ANKRD45: variants seen among roughly 807,000 people sequenced by gnomAD.
The protein encoded by ANKRD45 is ankyrin repeat domain-containing protein 45.
A neutral mutation model predicts 28.1 loss-of-function variants in ANKRD45; 21 were observed. The ratio of observed to expected loss-of-function variants is 0.75; its 90% confidence interval spans 0.53 to 1.08. The LOEUF (loss-of-function observed/expected upper bound fraction) is 1.08. Among genes scored for constraint, ANKRD45 ranks in the 50% least tolerant of loss-of-function variants. The pLI, the probability that ANKRD45 is intolerant of heterozygous loss-of-function variation, is 0.00. For missense variants in ANKRD45, 261 were observed against 308.7 expected (o/e 0.85, Z 1.16); for synonymous variants, 86 against 103.9 (o/e 0.83, Z 1.05).
At chr1:173,641,334 T>C (rs1668690857) in intron 3 of ANKRD45, among the ~76,000 whole-genome samples, 1 of 152,196 alleles carries the variant, frequency 6.6e-6, no homozygotes, top group African/African-American at 2.4e-5. Context: ...ATGGACTGTA[T>C]GGTGGCTCTC....
chr1:173,625,289 T>G (rs915319557), intron 4 of ANKRD45, among the ~76,000 whole-genome samples: 2 of 152,088 alleles, frequency 1.3e-5, no homozygotes, highest in African/African-American at 4.8e-5. Flanking sequence ...TTCTCCCTAA[T>G]TCTTTATTTT....
intron 3 of ANKRD45, among the ~76,000 whole-genome samples, chr1:173,632,154 G>A (rs1210857435): frequency 2.0e-5 from 3 of 151,768 alleles, no homozygotes; most frequent in Non-Finnish European, 4.4e-5. Flanking sequence ...TGAAAAAGAA[G>A]ACATTACAAC....
intron 5 of ANKRD45, among the ~76,000 whole-genome samples, chr1:173,615,122 ATGT>A (rs1218139813): frequency 2.6e-4 from 39 of 152,176 alleles, no homozygotes; most frequent in African/African-American, 6.3e-4. Flanking sequence ...CCCGGCCTAG[ATGT>A]TGTTGTTTAA....
the ANKRD45 span, among the ~76,000 whole-genome samples, chr1:173,697,746 C>T: frequency 6.6e-6 from 1 of 152,130 alleles, no homozygotes; most frequent in Non-Finnish European, 1.5e-5. Flanking sequence ...GCTAGGAAGA[C>T]ACTGCATCAA....
At chr1:173,673,111 CT>C (rs201967833), upstream of ANKRD45, among the ~76,000 whole-genome samples, 13,495 of 138,518 alleles carry the variant, frequency 0.097, 679 homozygotes, top group East Asian at 0.36. Context: ...CATTTCTATA[CT>C]TTTTTTTTTT....
At chr1:173,668,179 A>G (rs1670104022) in intron 1 of ANKRD45, among the ~76,000 whole-genome samples, 1 of 152,244 alleles carries the variant, frequency 6.6e-6, no homozygotes, top group African/African-American at 2.4e-5. Context: ...TCCTGAGACA[A>G]CAAAGTTTGA....
the ANKRD45 span, among the ~76,000 whole-genome samples, chr1:173,701,668 G>A: frequency 2.8e-4 from 43 of 152,128 alleles, no homozygotes; most frequent in Admixed American, 4.6e-4. Flanking sequence ...GGGGCCTGTC[G>A]TGAGGTCGGG....
chr1:173,648,774 G>C (rs1172767166), intron 2 of ANKRD45, among the ~76,000 whole-genome samples: 1 of 152,154 alleles, frequency 6.6e-6, no homozygotes, highest in Non-Finnish European at 1.5e-5. Context: ...TACCTTCCTT[G>C]AATAGTGTTA....
At chr1:173,656,554 T>G (rs1208493550) in intron 2 of ANKRD45, among the ~76,000 whole-genome samples, 1 of 152,186 alleles carries the variant, frequency 6.6e-6, no homozygotes, top group African/African-American at 2.4e-5. Flanking sequence ...ATTTGTATCA[T>G]TAGCCAATTA....
intron 2 of ANKRD45, chr1:173,657,381 T>C (rs1669575169): frequency 3.6e-6 from 1 of 274,808 alleles, no homozygotes; most frequent in Non-Finnish European, 7.7e-6. Flanking sequence ...GGCAGGAGAA[T>C]TGCTTGAACC....
At chr1:173,689,633 G>C in the ANKRD45 span, among the ~76,000 whole-genome samples, 8 of 152,152 alleles carry the variant, frequency 5.3e-5, no homozygotes, top group East Asian at 9.6e-4. Flanking sequence ...CCCTCAGTCT[G>C]TCTAGGAATC....
At chr1:173,682,684 T>TACACACACACACACACACACACACACAC in the ANKRD45 span, among the ~76,000 whole-genome samples, 3 of 143,940 alleles carry the variant, frequency 2.1e-5, no homozygotes, top group African/African-American at 7.8e-5. Context: ...GCCTTTTAAA[T>TACACACACACACACACACACACACACAC]ACACACACAC....
rs1667032396 is a variant in ANKRD45 at position 173,608,898 on chromosome 1, AGGAAGGGAGAGGAAGGGAGG to A, written c.*1227_*1246del. Among the ~76,000 whole-genome samples, 1 of 40,932 alleles carries A rather than the reference AGGAAGGGAGAGGAAGGGAGG, an allele frequency of 2.4e-5. No individual in the cohort carries two copies. The highest frequency in any genetic ancestry group is 3.9e-5 in the Non-Finnish European group (1 of 25,758). The allele number at this position is 40,932 out of a possible 152,430, so 26.9% of individuals were successfully genotyped here. A position where few individuals can be genotyped will look rare whatever the true frequency, so the allele number is the denominator to read the frequency against. On this transcript the variant is annotated 3_prime_UTR_variant, in exon 6 of 6. Transcript: ENST00000333279. ...GGGAGAGGAAGGGAGGGGAGGGGAGAGGAAGGGAGAGGAAGGGAGGGGAAGGGAGGGGAAGGGAGGGGAAG... is the reference window on the plus strand; with the variant it reads ...GGGAGAGGAAGGGAGGGGAGGGGAGAGGAAGGGAGGGGAAGGGAGGGGAAG...
At chr1:173,709,363 T>C in the ANKRD45 span, among the ~76,000 whole-genome samples, 2 of 152,194 alleles carry the variant, frequency 1.3e-5, no homozygotes, top group African/African-American at 4.8e-5. Context: ...GCTCACAATA[T>C]GGTAGCTTAC....
chr1:173,645,011 T>A (rs956203015), intron 3 of ANKRD45, among the ~76,000 whole-genome samples: 2 of 151,078 alleles, frequency 1.3e-5, no homozygotes, highest in South Asian at 2.1e-4. Flanking sequence ...AAAAAAAAAA[T>A]TATGGAATGT....
intron 5 of ANKRD45, among the ~76,000 whole-genome samples, chr1:173,618,896 A>G (rs1165057015): frequency 1.3e-5 from 2 of 152,194 alleles, no homozygotes; most frequent in African/African-American, 4.8e-5. Context: ...CTGAGAGGCC[A>G]CATCACCTAC....
At chr1:173,693,676 AAG>A in the ANKRD45 span, among the ~76,000 whole-genome samples, 6 of 152,326 alleles carry the variant, frequency 3.9e-5, no homozygotes, top group South Asian at 1.2e-3. Flanking sequence ...AGTTCAAATA[AAG>A]AGAGAGTGAA....
chr1:173,625,927 A>AT (rs915718890), intron 4 of ANKRD45, among the ~76,000 whole-genome samples: 20 of 152,300 alleles, frequency 1.3e-4, no homozygotes, highest in Admixed American at 5.9e-4. Flanking sequence ...ATTACTATGT[A>AT]TACATAATAA....
At chr1:173,650,449 G>T (rs979759882) in intron 2 of ANKRD45, among the ~76,000 whole-genome samples, 1 of 152,184 alleles carries the variant, frequency 6.6e-6, no homozygotes, top group African/African-American at 2.4e-5. Flanking sequence ...TTTTATGGCT[G>T]CAGAGCATTC....
Sources: allele counts gnomAD v4.1 joint callset (sites outside exome capture counted in the v4.1 genomes callset), GRCh38; gene constraint gnomAD v4.1.1; transcripts MANE v1.5; gene names NCBI Gene and HGNC (gene_info 2026-07-23, HGNC 2026-07-21).